The following PLXDC2 variants were observed in gnomAD, a reference collection of about 807,000 sequenced individuals.
PLXDC2 encodes plexin domain containing 2.
Under a neutral mutation model 68.9 loss-of-function variants are expected in PLXDC2, and 40 were observed. The ratio of observed to expected loss-of-function variants is 0.58; its 90% confidence interval spans 0.45 to 0.76. The LOEUF (loss-of-function observed/expected upper bound fraction) is 0.76. Among genes scored for constraint, PLXDC2 ranks in the 30% least tolerant of loss-of-function variants. The pLI is 0.00. For synonymous variants in PLXDC2, 243 were observed against 234.2 expected, an observed-to-expected ratio of 1.04 and a Z score of -0.34; for missense variants, 644 against 661.9, an observed-to-expected ratio of 0.97 and a Z score of 0.30.
rs181311082 is a variant in PLXDC2, at chr10:20,254,489, C to T, written c.1473+8984C>T. ...TCTTGAAGTCACATATTTTTAATAA[C>T]TGAGTTTTGCTCTTCAGGTATTTCT... is the stretch of plus-strand genomic sequence containing the variant. On this transcript the variant is annotated intron_variant, in intron 13 of 13. Transcript: ENST00000377252. Among the ~76,000 whole-genome samples the T allele has an allele frequency of 1.5e-3, 221 of 152,270 alleles. 1 individual carries two copies. The highest frequency in any genetic ancestry group is 4.4e-4 in the Non-Finnish European group (30 of 68,022).
chr10:19,967,890 T>C (rs1834289744), intron 1 of PLXDC2, among the ~76,000 whole-genome samples: 1 of 152,212 alleles, frequency 6.6e-6, no homozygotes, highest in African/African-American at 2.4e-5. Context: ...TCAGAGAACA[T>C]GGCTTACATT....
chr10:19,961,837 A>G (rs924511376), intron 1 of PLXDC2, among the ~76,000 whole-genome samples: 3 of 152,188 alleles, frequency 2.0e-5, no homozygotes, highest in South Asian at 2.1e-4. Flanking sequence ...TGCTTTTGCC[A>G]TACTAGGAGG....
chr10:19,949,701 C>A (rs12354642), intron 1 of PLXDC2, among the ~76,000 whole-genome samples: 1 of 152,130 alleles, frequency 6.6e-6, no homozygotes, highest in African/African-American at 2.4e-5. Flanking sequence ...GTAAGTGGGT[C>A]TACATGTACA....
chr10:20,271,523 T>C, intron 13 of PLXDC2, among the ~76,000 whole-genome samples: 1 of 152,182 alleles, frequency 6.6e-6, no homozygotes, highest in East Asian at 1.9e-4. Flanking sequence ...AGTGTGATTC[T>C]TTGACACTGG....
At chr10:19,844,595 TA>T (rs141272963) in intron 1 of PLXDC2, among the ~76,000 whole-genome samples, 6,665 of 151,858 alleles carry the variant, frequency 0.044, 180 homozygotes, top group Middle Eastern at 0.11. Context: ...TATTTTTCAA[TA>T]TTTTTTTTTC....
At chr10:19,919,984 C>A (rs527732345) in intron 1 of PLXDC2, among the ~76,000 whole-genome samples, 1 of 152,142 alleles carries the variant, frequency 6.6e-6, no homozygotes, top group Non-Finnish European at 1.5e-5. Flanking sequence ...ACAACTTTAC[C>A]CACCCCCAAA....
chr10:19,892,406 C>T (rs1032311132), intron 1 of PLXDC2, among the ~76,000 whole-genome samples: 2 of 152,152 alleles, frequency 1.3e-5, no homozygotes, highest in African/African-American at 4.8e-5. Context: ...ACCACTATGC[C>T]ACACTACCCG....
chr10:20,209,459 C>G (rs1353020570), intron 9 of PLXDC2, among the ~76,000 whole-genome samples: 1 of 151,786 alleles, frequency 6.6e-6, no homozygotes, highest in African/African-American at 2.4e-5. Context: ...ATGGGTGCAA[C>G]ACACCAACAT....
intron 2 of PLXDC2, among the ~76,000 whole-genome samples, chr10:20,040,315 G>GGAT (rs1379413564): frequency 6.6e-6 from 1 of 152,108 alleles, no homozygotes; most frequent in Non-Finnish European, 1.5e-5. Context: ...GACTCAAGGA[G>GGAT]GATGCCCAGT....
chr10:20,036,742 T>C (rs939123513), intron 2 of PLXDC2, among the ~76,000 whole-genome samples: 11 of 152,214 alleles, frequency 7.2e-5, no homozygotes, highest in African/African-American at 2.2e-4. Context: ...ATTTGAAAGA[T>C]AGTTGTGCAC....
chr10:20,143,184 A>G, intron 4 of PLXDC2, 111 bp from the exon 5 acceptor site: 6 of 1,147,132 alleles, frequency 5.2e-6, no homozygotes, highest in Non-Finnish European at 6.1e-6. Context: ...TTTTCCAGCT[A>G]CCATGACATT....
rs368499790 is a variant in PLXDC2 at position 20,154,563 on chromosome 10, C to CAAA, written c.783+6674_783+6676dup. On this transcript the variant is annotated intron_variant, in intron 6 of 13. Transcript: ENST00000377252. ...TGGGCGACAGAAGGAGACTCTGTCT[C>CAAA]AAAAAAAAAAAAAAATGTATTTAAA... 1.8e-4 allele frequency among the ~76,000 whole-genome samples: 24 copies of CAAA among 136,300 alleles called. No individual in the cohort carries two copies. The East Asian group carries it at 3.7e-3, about 21-fold the overall frequency. The allele number at this position is 136,300 out of a possible 152,430, so 89.4% of individuals were successfully genotyped here.
chr10:20,257,239 T>G (rs1017340836), intron 13 of PLXDC2, among the ~76,000 whole-genome samples: 6 of 152,186 alleles, frequency 3.9e-5, no homozygotes, highest in African/African-American at 1.4e-4. Context: ...TATCAAGGAT[T>G]TCTTAGAGGA....
rs918474221 is a variant in PLXDC2, at chr10:20,281,782, A to G, written c.*1963A>G. On this transcript the variant is annotated 3_prime_UTR_variant, in exon 14 of 14. Coordinates refer to ENST00000377252, the MANE Select transcript of PLXDC2 (RefSeq NM_032812.9). ...AGGTTTGGTGAGACAGCAATAACCA[A>G]ATGACATGCCAATATTACTGGTGCA... The G allele has an allele frequency of 6.6e-6, 1 of 152,134 alleles. No individual in the cohort carries two copies. The highest frequency in any genetic ancestry group is 2.4e-5 in the African/African-American group (1 of 41,446). 9.4% of individuals were successfully genotyped at this position (152,134 alleles called of 1,614,324 possible).
chr10:19,892,234 C>A (rs1837978252), intron 1 of PLXDC2, among the ~76,000 whole-genome samples: 1 of 152,190 alleles, frequency 6.6e-6, no homozygotes, highest in Non-Finnish European at 1.5e-5. Flanking sequence ...TGAATTCTTA[C>A]AACCACTTAA....
intron 1 of PLXDC2, among the ~76,000 whole-genome samples, chr10:19,951,815 A>G (rs908229029): frequency 7.9e-5 from 12 of 152,260 alleles, no homozygotes; most frequent in Non-Finnish European, 2.9e-5. Flanking sequence ...CTACATAGCC[A>G]TAAAAAAGAA....
chr10:19,916,126 G>GTTTTTT lies in PLXDC2; in HGVS notation c.113-85645_113-85644insTTTTTT, dbSNP rs200823056. ...GGGGAAATTATGTGGAGGGAGTTGT[G>GTTTTTT]TTTTGTTTTGTTTTTTTTTTTTAAT... is the stretch of plus-strand genomic sequence containing the variant. On this transcript the variant is annotated intron_variant, in intron 1 of 13. Transcript: ENST00000377252. 3.2e-5 allele frequency among the ~76,000 whole-genome samples: 4 copies of GTTTTTT among 125,706 alleles called. 1 individual carries two copies. The highest frequency in any genetic ancestry group is 3.3e-5 in the Non-Finnish European group (2 of 60,936). 82.5% of individuals were successfully genotyped at this position (125,706 alleles called of 152,430 possible). A position where few individuals can be genotyped will look rare whatever the true frequency, so the allele number is the denominator to read the frequency against.
Position 20,280,374 on chromosome 10 carries a change from G to C in PLXDC2, c.*555G>C, listed in dbSNP as rs1451191518. On this transcript the variant is annotated 3_prime_UTR_variant, in exon 14 of 14. Coordinates refer to ENST00000377252, the MANE Select transcript of PLXDC2 (RefSeq NM_032812.9). ...TTTTCAAAACAGATGTGTGGCAAAA[G>C]GATGTTGTTTTTCTGGTCTAGATCC... 2 of 152,618 alleles carry C rather than the reference G, an allele frequency of 1.3e-5. No homozygotes were observed. The highest frequency in any genetic ancestry group is 2.9e-5 in the Non-Finnish European group (2 of 68,342). The allele number at this position is 152,618 out of a possible 1,614,324, so 9.5% of individuals were successfully genotyped here.
chr10:20,271,625 G>C (rs980145633), intron 13 of PLXDC2, among the ~76,000 whole-genome samples: 12 of 152,256 alleles, frequency 7.9e-5, no homozygotes, highest in Admixed American at 3.9e-4. Context: ...CTGTGCTGAG[G>C]ACTGGGGAAA....
Sources: allele counts gnomAD v4.1 joint callset (sites outside exome capture counted in the v4.1 genomes callset), GRCh38; gene constraint gnomAD v4.1.1; transcripts MANE v1.5; gene names NCBI Gene and HGNC (gene_info 2026-07-23, HGNC 2026-07-21).